Variants in FAM120A observed in about 807,000 individuals in gnomAD.
FAM120A encodes the protein family with sequence similarity 120 member A.
In FAM120A, 15 loss-of-function variants were observed where a neutral mutation model predicts 109.7. The observed-to-expected ratio is 0.14, with a 90% CI of 0.09 to 0.21. The LOEUF (loss-of-function observed/expected upper bound fraction) is 0.21. FAM120A is among the 10% of genes least tolerant of loss of function. FAM120A has a pLI of 1.00. For missense variants in FAM120A, 899 were observed against 1,439.3 expected, an observed-to-expected ratio of 0.62 and a Z score of 6.07; for synonymous variants, 493 against 572.8, an observed-to-expected ratio of 0.86 and a Z score of 1.99.
chr9:93,564,743 T>A lies in FAM120A; in HGVS notation c.*203T>A. On this transcript the variant is annotated 3_prime_UTR_variant, in exon 18 of 18. Transcript: ENST00000277165. ...ACCAGTTGTAGTCAAAATGCTACAA[T>A]AAAACAAAAAAGAGAAAGAAAATGA... 2 of 467,890 alleles carry A rather than the reference T, an allele frequency of 4.3e-6. No homozygotes were observed. Among genetic ancestry groups the A allele is most frequent in the East Asian group, 3.3e-5 (1 of 30,458 alleles). 29.0% of individuals were successfully genotyped at this position (467,890 alleles called of 1,614,324 possible). A position where few individuals can be genotyped will look rare whatever the true frequency, so the allele number is the denominator to read the frequency against.
At chr9:93,537,829 T>C (rs1045966399) in intron 10 of FAM120A, among the ~76,000 whole-genome samples, 6 of 152,238 alleles carry the variant, frequency 3.9e-5, no homozygotes, top group Non-Finnish European at 8.8e-5. Context: ...AAATTGGTAT[T>C]GTAAACATTT....
At chr9:93,501,029 CATT>C (rs1334922362) in intron 5 of FAM120A, among the ~76,000 whole-genome samples, 7 of 152,296 alleles carry the variant, frequency 4.6e-5, no homozygotes, top group Admixed American at 2.0e-4. Flanking sequence ...TAGATACTGT[CATT>C]ATTCTTCTCA....
chr9:93,532,295 A>G lies in FAM120A; in HGVS notation c.1875A>G (p.Arg625=). The change falls in exon 10 of 18, where the codon AGA becomes AGG. Residue 625 remains arginine, a synonymous_variant. Transcript: ENST00000277165. The surrounding 1 kb of genome is among the most constrained non-coding windows in gnomAD (Gnocchi z 4.3). ...CAGAAAGCAGAAAGAAAACTGAGAG[A>G]CTTGCTTTTAGAAAGAACAGACTTC... ...SLAESRKKTE[R]LAFRKNRLPP... is the part of the protein sequence containing the mutation. 6.2e-7 allele frequency: 1 copy of G among 1,614,228 alleles called. No individual in the cohort carries two copies. Among genetic ancestry groups the G allele is most frequent in the African/African-American group, 1.3e-5 (1 of 75,060 alleles).
intron 3 of FAM120A, among the ~76,000 whole-genome samples, chr9:93,479,673 C>A (rs1262128517): frequency 6.6e-6 from 1 of 152,110 alleles, no homozygotes; most frequent in Non-Finnish European, 1.5e-5. Context: ...TTATGTGATT[C>A]CAAATCTTCA....
At chr9:93,508,512 C>G (rs1338704573) in intron 5 of FAM120A, among the ~76,000 whole-genome samples, 1 of 152,198 alleles carries the variant, frequency 6.6e-6, no homozygotes, top group Admixed American at 6.5e-5. Context: ...TAGGAGACAG[C>G]AGGCTGAGTG....
intron 3 of FAM120A, among the ~76,000 whole-genome samples, chr9:93,483,858 G>A (rs1247666380): frequency 1.3e-5 from 2 of 152,036 alleles, no homozygotes; most frequent in Admixed American, 1.3e-4. Context: ...ATTTATATGT[G>A]GAGTTGTTAA....
rs557169856 is a variant in FAM120A, at chr9:93,469,323, T to G, written c.475-1818T>G. Among the ~76,000 whole-genome samples the G allele has an allele frequency of 3.3e-5, 5 of 152,226 alleles. No homozygotes were observed. In the South Asian group the frequency reaches 8.3e-4, roughly 25 times the overall value. On this transcript the variant is annotated intron_variant, in intron 1 of 17. Transcript: ENST00000277165. ...TCTGCCCAGCTTCCTTCCCAACATG[T>G]GTGAATCTAAGGAACAAGCTGACTT...
intron 3 of FAM120A, among the ~76,000 whole-genome samples, chr9:93,478,073 A>G (rs980447208): frequency 6.6e-6 from 1 of 152,228 alleles, no homozygotes; most frequent in East Asian, 1.9e-4. Context: ...AGCTTGCTCC[A>G]CCACTTCAGC....
At chr9:93,510,593 CA>C (rs1240805844) in intron 5 of FAM120A, among the ~76,000 whole-genome samples, 1 of 152,180 alleles carries the variant, frequency 6.6e-6, no homozygotes, top group East Asian at 1.9e-4. Flanking sequence ...TTATAAAACA[CA>C]TTTCAGTGGC....
chr9:93,560,867 AAAAAGC>A (rs1564362726), intron 15 of FAM120A, among the ~76,000 whole-genome samples: 1 of 152,234 alleles, frequency 6.6e-6, no homozygotes, highest in Non-Finnish European at 1.5e-5. Context: ...GTTTCTATCT[AAAAAGC>A]CTTGCACATT....
intron 12 of FAM120A, among the ~76,000 whole-genome samples, chr9:93,552,233 T>A (rs1055719804): frequency 6.6e-6 from 1 of 152,238 alleles, no homozygotes; most frequent in South Asian, 2.1e-4. Context: ...CATATCCTTT[T>A]CATTTTTGGA....
At chr9:93,522,670 A>G (rs934456600) in intron 7 of FAM120A, among the ~76,000 whole-genome samples, 4 of 152,232 alleles carry the variant, frequency 2.6e-5, no homozygotes, top group African/African-American at 7.2e-5. Context: ...CCTTGTTTGT[A>G]TAAATGGGTT....
intron 5 of FAM120A, among the ~76,000 whole-genome samples, chr9:93,505,547 C>T (rs1860012073): frequency 6.6e-6 from 1 of 152,064 alleles, no homozygotes. Context: ...ATGAATTTTT[C>T]CCTTTGTTGT....
chr9:93,528,910 C>T (rs758001442), intron 8 of FAM120A, among the ~76,000 whole-genome samples: 4 of 152,182 alleles, frequency 2.6e-5, no homozygotes, highest in Admixed American at 6.5e-5. Context: ...TCAGACTGCA[C>T]AGCCTCTTGG....
rs964544720 is a variant in FAM120A, at chr9:93,519,781, G to A, written c.1418+3512G>A. ...AGTGGCACTCTTTTAAAGGGTGGTAGTGATGGGCGATGGGGATTGTTACAT... is the reference window on the plus strand; with the variant it reads ...AGTGGCACTCTTTTAAAGGGTGGTAATGATGGGCGATGGGGATTGTTACAT... On this transcript the variant is annotated intron_variant, in intron 7 of 17. Coordinates refer to ENST00000277165, the MANE Select transcript of FAM120A (RefSeq NM_014612.5). Among the ~76,000 whole-genome samples the A allele has an allele frequency of 2.6e-5, 4 of 152,216 alleles. No individual in the cohort carries two copies. In the East Asian group the frequency reaches 7.7e-4, roughly 29 times the overall value.
chr9:93,467,991 C>T (rs187346869), intron 1 of FAM120A, among the ~76,000 whole-genome samples: 21 of 152,108 alleles, frequency 1.4e-4, no homozygotes, highest in Non-Finnish European at 2.6e-4. Context: ...AAGAGATTCT[C>T]CTGCCTCAGC....
chr9:93,560,317 A>C (rs996830212), intron 15 of FAM120A, among the ~76,000 whole-genome samples: 1 of 152,100 alleles, frequency 6.6e-6, no homozygotes, highest in Non-Finnish European at 1.5e-5. Context: ...TCTTGACTAC[A>C]TGTTGAAATA....
At chr9:93,554,765 C>T (rs1862236092) in intron 12 of FAM120A, among the ~76,000 whole-genome samples, 1 of 152,204 alleles carries the variant, frequency 6.6e-6, no homozygotes, top group Non-Finnish European at 1.5e-5. Flanking sequence ...TTTGGATAGC[C>T]AGGCAAACAA....
At chr9:93,474,377 G>A (rs1211035966) in intron 2 of FAM120A, among the ~76,000 whole-genome samples, 1 of 151,804 alleles carries the variant, frequency 6.6e-6, no homozygotes, top group Admixed American at 6.6e-5. Flanking sequence ...TGGCCAGGCT[G>A]GAAAAGTTTC....
Sources: allele counts gnomAD v4.1 joint callset (sites outside exome capture counted in the v4.1 genomes callset), GRCh38; gene constraint gnomAD v4.1.1; non-coding constraint Gnocchi (gnomAD v3.1); transcripts MANE v1.5; gene names NCBI Gene and HGNC (gene_info 2026-07-23, HGNC 2026-07-21).